Variants in PKHD1 observed in about 807,000 individuals in gnomAD.
The protein encoded by PKHD1 is PKHD1 ciliary IPT domain containing fibrocystin/polyductin, also known as fibrocystin.
Under a neutral mutation model 412.0 loss-of-function variants are expected in PKHD1, and 291 were observed. That is an observed-to-expected ratio of 0.71 (90% confidence interval 0.64 to 0.78). The LOEUF (loss-of-function observed/expected upper bound fraction) is 0.78. Among genes scored for constraint, PKHD1 ranks in the 30% least tolerant of loss-of-function variants. The pLI, the probability that PKHD1 is intolerant of heterozygous loss-of-function variation, is 0.00. For synonymous variants in PKHD1, 1,777 were observed against 1,821.5 expected (o/e 0.98, Z 0.62); for missense variants, 4,825 against 4,950.7 (o/e 0.97, Z 0.76).
intron 29 of PKHD1, among the ~76,000 whole-genome samples, chr6:52,032,022 C>G (rs141145193): frequency 6.6e-6 from 1 of 152,070 alleles, no homozygotes; most frequent in African/African-American, 2.4e-5. Flanking sequence ...ACATGGAGCT[C>G]CCCCTCCCTT....
intron 60 of PKHD1, among the ~76,000 whole-genome samples, chr6:51,710,369 G>C (rs1780516857): frequency 6.6e-6 from 1 of 152,128 alleles, no homozygotes; most frequent in Non-Finnish European, 1.5e-5. Flanking sequence ...AATAGTCCTG[G>C]TTGAACATTT....
chr6:51,782,453 A>T (rs1326556), intron 53 of PKHD1, among the ~76,000 whole-genome samples: 88,515 of 151,372 alleles, frequency 0.58, 26,583 homozygotes, highest in East Asian at 0.83. Flanking sequence ...GTGTTTCCTG[A>T]ACCTCTAAGG....
intron 43 of PKHD1, among the ~76,000 whole-genome samples, chr6:51,897,721 A>G (rs1272093704): frequency 6.9e-6 from 1 of 145,410 alleles, no homozygotes; most frequent in Non-Finnish European, 1.5e-5. Flanking sequence ...AGACTGGCAA[A>G]TTGGATAAAG....
At chr6:51,897,968 C>T (rs1217622783) in intron 43 of PKHD1, among the ~76,000 whole-genome samples, 2 of 151,994 alleles carry the variant, frequency 1.3e-5, no homozygotes, top group Non-Finnish European at 2.9e-5. Context: ...AGTTAACTAT[C>T]CTAAATATAT....
chr6:51,929,558 C>T (rs752012110), intron 37 of PKHD1, among the ~76,000 whole-genome samples: 3 of 152,170 alleles, frequency 2.0e-5, no homozygotes, highest in Non-Finnish European at 2.9e-5. Context: ...CGGAAACACA[C>T]TCCCACACAT....
At position 51,694,946 on chromosome 6, in the gene PKHD1, T is replaced by C. The variant is rs956166268; in HGVS notation, c.10157-34977A>G. 1.3e-3 allele frequency among the ~76,000 whole-genome samples: 7 copies of C among 5,466 alleles called. No homozygotes were observed. The Non-Finnish European group carries it at 0.056, about 44-fold the overall frequency. 3.6% of individuals were successfully genotyped at this position (5,466 alleles called of 152,430 possible). On this transcript the variant is annotated intron_variant, in intron 60 of 66. Transcript: ENST00000371117. ...TATGGTTTCTTCCAATGGCACTGAC[T>C]ATAAAAAAAATTGGAAATTCTGCTG...
chr6:51,739,231 A>C (rs559854366), intron 60 of PKHD1, among the ~76,000 whole-genome samples: 117 of 150,588 alleles, frequency 7.8e-4, no homozygotes, highest in Non-Finnish European at 1.5e-3. Context: ...TTATATATAT[A>C]ATATATATAA....
chr6:51,969,790 T>C (rs973118155), intron 35 of PKHD1, among the ~76,000 whole-genome samples: 16 of 151,908 alleles, frequency 1.1e-4, no homozygotes, highest in African/African-American at 2.2e-4. Flanking sequence ...CACACACACA[T>C]ATATATATAA....
chr6:51,820,360 G>A (rs1766190073), intron 52 of PKHD1, among the ~76,000 whole-genome samples: 1 of 152,200 alleles, frequency 6.6e-6, no homozygotes, highest in African/African-American at 2.4e-5. Flanking sequence ...AGGGCAGGAA[G>A]CTCTATGTCC....
intron 43 of PKHD1, 62 bp downstream of exon 43, chr6:51,903,535 G>C (rs1781589943): frequency 6.7e-7 from 1 of 1,498,430 alleles, no homozygotes; most frequent in South Asian, 1.1e-5. Context: ...GGACACCCCT[G>C]ATTGAGAAAG....
intron 5 of PKHD1, among the ~76,000 whole-genome samples, chr6:52,078,144 C>G (rs942586942): frequency 1.6e-4 from 25 of 152,108 alleles, no homozygotes; most frequent in Admixed American, 7.2e-4. Flanking sequence ...TCCCTCCCAG[C>G]TCGTGAGATC....
rs1482336926 is a variant in PKHD1, at chr6:52,043,620, C to T, written c.2821+5G>A. ...CCCATCTCAGAGCCAAGTGACAAATCATACCAATGGAGTACCACACAGAAT... is the reference window on the plus strand; with the variant it reads ...CCCATCTCAGAGCCAAGTGACAAATTATACCAATGGAGTACCACACAGAAT... On this transcript the variant is annotated splice_donor_5th_base_variant and intron_variant, in intron 26 of 66. Coordinates refer to ENST00000371117, the MANE Select transcript of PKHD1 (RefSeq NM_138694.4). 6.3e-7 allele frequency: 1 copy of T among 1,598,014 alleles called. No homozygotes were observed.
chr6:51,830,913 T>A lies in PKHD1; in HGVS notation c.8250A>T (p.Gly2750=). 2 of 1,612,548 alleles carry A rather than the reference T, an allele frequency of 1.2e-6. No homozygotes were observed. The highest frequency in any genetic ancestry group is 1.7e-6 in the Non-Finnish European group (2 of 1,178,820). ...ETWQGVEEGW[G]GYNNTIPGPG... is the part of the protein sequence containing the mutation. ...GGCCTGGAATGGTATTGTTGTATCC[T>A]CCCCAGCCTTCTTCAACACCTTGCC... The change falls in exon 52 of 67, where the codon GGA becomes GGT. Residue 2750 remains glycine, a synonymous_variant. Transcript: ENST00000371117.
intron 60 of PKHD1, among the ~76,000 whole-genome samples, chr6:51,709,218 T>G (rs1462179949): frequency 6.6e-6 from 1 of 152,144 alleles, no homozygotes; most frequent in Admixed American, 6.5e-5. Flanking sequence ...CACACTACAT[T>G]CCAAGTATGT....
At chr6:52,033,850 C>G (rs1803475972) in intron 28 of PKHD1, among the ~76,000 whole-genome samples, 1 of 151,938 alleles carries the variant, frequency 6.6e-6, no homozygotes, top group Non-Finnish European at 1.5e-5. Context: ...ACATGTTAGC[C>G]AGGCACAGTG....
chr6:51,884,811 C>G (rs1777946942), intron 45 of PKHD1, among the ~76,000 whole-genome samples: 2 of 152,164 alleles, frequency 1.3e-5, no homozygotes, highest in Non-Finnish European at 2.9e-5. Context: ...TAAATCACTT[C>G]TCTGCATAAG....
intron 66 of PKHD1, among the ~76,000 whole-genome samples, chr6:51,620,381 T>C (rs1472144667): frequency 6.6e-6 from 1 of 152,138 alleles, no homozygotes; most frequent in Non-Finnish European, 1.5e-5. Flanking sequence ...AATGGAAAGT[T>C]AAGAATGTTC....
rs552339299 is a variant in PKHD1, at chr6:52,027,820, G to T, written c.3628+9C>A. 139 of 1,592,368 alleles carry T rather than the reference G, an allele frequency of 8.7e-5. No individual in the cohort carries two copies. Among genetic ancestry groups the T allele is most frequent in the Non-Finnish European group, 1.2e-4 (134 of 1,160,236 alleles). The stretch of plus-strand genomic sequence containing the variant: ...GATAATTGATAACAGTCACATAAGA[G>T]CCACTCACCCAGCAGGGACCCACAG... On this transcript the variant is annotated intron_variant, in intron 31 of 66. Transcript: ENST00000371117.
chr6:51,864,542 T>C (rs1774726995), intron 48 of PKHD1, among the ~76,000 whole-genome samples: 1 of 151,850 alleles, frequency 6.6e-6, no homozygotes, highest in African/African-American at 2.4e-5. Flanking sequence ...CAAAGATGAG[T>C]CAAGGATGAC....
Sources: allele counts gnomAD v4.1 joint callset (sites outside exome capture counted in the v4.1 genomes callset), GRCh38; gene constraint gnomAD v4.1.1; transcripts MANE v1.5; gene names NCBI Gene and HGNC (gene_info 2026-07-23, HGNC 2026-07-21).